CLCA1: variants seen among roughly 807,000 people sequenced by gnomAD.
The protein encoded by CLCA1 is chloride channel accessory 1.
In CLCA1, 59 loss-of-function variants were observed where a neutral mutation model predicts 85.6. The ratio of observed to expected loss-of-function variants is 0.69; its 90% confidence interval spans 0.56 to 0.86. The LOEUF (loss-of-function observed/expected upper bound fraction) is 0.86. Among genes scored for constraint, CLCA1 ranks in the 40% least tolerant of loss-of-function variants. The pLI is 0.00. For synonymous variants in CLCA1, 396 were observed against 398.3 expected, an observed-to-expected ratio of 0.99 and a Z score of 0.07; for missense variants, 1,022 against 1,101.4, an observed-to-expected ratio of 0.93 and a Z score of 1.02.
Position 86,497,053 on chromosome 1 carries a change from G to A in CLCA1, c.2113+1378G>A, listed in dbSNP as rs182397051. 1.1e-4 allele frequency among the ~76,000 whole-genome samples: 17 copies of A among 152,362 alleles called. No individual in the cohort carries two copies. The East Asian group carries it at 3.3e-3, about 29-fold the overall frequency. ...CATGCCACTGCTTTTTGAGTTAGGG[G>A]AAGGAGGCAGAAGGGGACTGGTTTA... On this transcript the variant is annotated intron_variant, in intron 12 of 13. Transcript: ENST00000394711.
intron 9 of CLCA1, 60 bp from the exon 10 acceptor site, chr1:86,493,324 G>C: frequency 7.3e-7 from 1 of 1,369,598 alleles, no homozygotes; most frequent in East Asian, 2.3e-5. Flanking sequence ...GGGCAGAAGG[G>C]AAAAGATCAT....
intron 1 of CLCA1, among the ~76,000 whole-genome samples, chr1:86,471,173 T>C (rs911634421): frequency 2.8e-5 from 4 of 140,486 alleles, no homozygotes; most frequent in African/African-American, 9.8e-5. Flanking sequence ...ACAGTAGGGT[T>C]ATTTTGGAGT....
At chr1:86,477,034 T>G (rs923585120) in intron 4 of CLCA1, among the ~76,000 whole-genome samples, 2 of 152,208 alleles carry the variant, frequency 1.3e-5, no homozygotes, top group Non-Finnish European at 2.9e-5. Flanking sequence ...CTCAGCCCCC[T>G]GAGTAGCCGG....
chr1:86,493,374 T>A lies in CLCA1; in HGVS notation c.1465-10T>A. On this transcript the variant is annotated splice_polypyrimidine_tract_variant and intron_variant, in intron 9 of 13. Coordinates refer to ENST00000394711, the MANE Select transcript of CLCA1 (RefSeq NM_001285.4). ...ATTCTCCAGAAAGTAAGAGCTGTTT[T>A]TCTTAACAGCTTGAGAGTAAGGGAT... 6.2e-7 allele frequency: 1 copy of A among 1,606,390 alleles called. No individual in the cohort carries two copies. Among genetic ancestry groups the A allele is most frequent in the Non-Finnish European group, 8.5e-7 (1 of 1,173,552 alleles).
At chr1:86,474,010 A>C (rs1647573920) in intron 3 of CLCA1, 134 bp downstream of exon 3, 1 of 564,652 alleles carries the variant, frequency 1.8e-6, no homozygotes, top group Non-Finnish European at 2.8e-6. Flanking sequence ...AGCATTTTTC[A>C]CTTAAAATAG....
At position 86,499,912 on chromosome 1, in the gene CLCA1, C is replaced by T. The variant is rs150256050; in HGVS notation, c.2612C>T (p.Pro871Leu). 1.1e-3 allele frequency: 1,825 copies of T among 1,614,046 alleles called. 22 individuals carry two copies. The East Asian group carries it at 0.025, about 22-fold the overall frequency. Residue 871 changes from proline (P) to leucine (L), a missense_variant, in exon 14 of 14, where the codon CCG becomes CTG. Coordinates refer to ENST00000394711, the MANE Select transcript of CLCA1 (RefSeq NM_001285.4). ...RVSLFIPPQT[P>L]PETPSPDETS... is the part of the protein sequence containing the mutation. ...TCTTTGTTTATTCCTCCACAGACTCCGCCAGAGACACCTAGTCCTGATGAA... is the reference window on the plus strand; with the variant it reads ...TCTTTGTTTATTCCTCCACAGACTCTGCCAGAGACACCTAGTCCTGATGAA...
chr1:86,479,694 G>A (rs1474700927), intron 4 of CLCA1, among the ~76,000 whole-genome samples: 1 of 152,128 alleles, frequency 6.6e-6, no homozygotes, highest in Non-Finnish European at 1.5e-5. Context: ...GACCATCCTG[G>A]CTAACACAGT....
chr1:86,480,383 T>C lies in CLCA1; in HGVS notation c.558-1822T>C, dbSNP rs1647786049. 2.0e-5 allele frequency among the ~76,000 whole-genome samples: 3 copies of C among 152,202 alleles called. No homozygotes were observed. The South Asian group carries it at 6.2e-4, about 32-fold the overall frequency. On this transcript the variant is annotated intron_variant, in intron 4 of 13. Transcript: ENST00000394711. Reference sequence around the variant, plus strand: ...AAAATAGACAAAGGAGAAGAATAGATAATTTACAAAAGAAGAAATTAAAAT... The same window carrying C: ...AAAATAGACAAAGGAGAAGAATAGACAATTTACAAAAGAAGAAATTAAAAT...
intron 9 of CLCA1, 128 bp downstream of exon 9, chr1:86,491,499 AGC>A (rs987629402): frequency 4.7e-5 from 27 of 578,204 alleles, no homozygotes; most frequent in Non-Finnish European, 7.5e-5. Context: ...TAGAAGGTCC[AGC>A]TTGATATTAA....
At chr1:86,473,615 A>T in intron 2 of CLCA1, 58 bp downstream of exon 2, 1 of 1,494,104 alleles carries the variant, frequency 6.7e-7, no homozygotes, top group Non-Finnish European at 9.1e-7. Context: ...AAGATTTTTT[A>T]AAATCAAAAT....
chr1:86,473,800 T>A lies in CLCA1; in HGVS notation c.375T>A (p.Cys125Ter). The change falls in exon 3 of 14, where the codon TGT (cysteine) becomes TGA (stop). Residue 125 changes from cysteine (C) to a stop codon, truncating the protein, a stop_gained. Transcript: ENST00000394711. LOFTEE classifies it high-confidence loss of function. ...CCTACACTGAGCAGATGGGCAACTG[T>A]GGAGAGAAGGGTGAAAGGATCCACC... is the stretch of plus-strand genomic sequence containing the variant. The part of the protein sequence containing the change: ...DEPYTEQMGN[C>*]GEKGERIHLT... The A allele has an allele frequency of 6.2e-7, 1 of 1,613,086 alleles. No homozygotes were observed. The highest frequency in any genetic ancestry group is 8.5e-7 in the Non-Finnish European group (1 of 1,179,260).
intron 8 of CLCA1, among the ~76,000 whole-genome samples, chr1:86,489,751 T>C (rs575188989): frequency 1.3e-5 from 2 of 152,370 alleles, no homozygotes; most frequent in South Asian, 4.1e-4. Flanking sequence ...AGATTCCATG[T>C]GTCACCAGCT....
chr1:86,473,979 C>T, intron 3 of CLCA1, 103 bp downstream of exon 3: 2 of 732,524 alleles, frequency 2.7e-6, no homozygotes, highest in Non-Finnish European at 4.1e-6. Flanking sequence ...ATAAGCCAAA[C>T]AATTAGAGAT....
chr1:86,495,168 C>T (rs1648242233), intron 11 of CLCA1, among the ~76,000 whole-genome samples: 1 of 152,126 alleles, frequency 6.6e-6, no homozygotes, highest in South Asian at 2.1e-4. Flanking sequence ...AATCATACAA[C>T]ATTTTTTTCT....
Position 86,494,271 on chromosome 1 carries a change from C to T in CLCA1, c.1765C>T (p.Pro589Ser). 6.2e-7 allele frequency: 1 copy of T among 1,614,188 alleles called. No individual in the cohort carries two copies. Among genetic ancestry groups the T allele is most frequent in the South Asian group, 1.1e-5 (1 of 91,076 alleles). Reference sequence around the variant, plus strand: ...GTCCCGTGCGTCCAATGCTACCCTGCCTCCAATTACAGTGACTTCCAAAAC... The same window carrying T: ...GTCCCGTGCGTCCAATGCTACCCTGTCTCCAATTACAGTGACTTCCAAAAC... ...VTSRASNATL[P>S]PITVTSKTNK... Residue 589 changes from proline (P) to serine (S), a missense_variant, in exon 11 of 14, where the codon CCT becomes TCT. Transcript: ENST00000394711.
Position 86,486,672 on chromosome 1 carries a change from CAG to C in CLCA1, c.1102_1103del (p.Arg368GlyfsTer29). The C allele has an allele frequency of 6.2e-7, 1 of 1,614,196 alleles. No individual in the cohort carries two copies. The highest frequency in any genetic ancestry group is 8.5e-7 in the Non-Finnish European group (1 of 1,180,036). Reference sequence around the variant, plus strand: ...TCATACAGATAAACAGTGGCAGTGACAGGGACACACTCGCCAAAAGATTACCT... The same window carrying C: ...TCATACAGATAAACAGTGGCAGTGACGGACACACTCGCCAAAAGATTACCT... Reference protein sequence around the residue: ...ELIQINSGSDRDTLAKRLPAA... With the variant: ...ELIQINSGSDXDTLAKRLPAA... On this transcript the variant is annotated frameshift_variant, in exon 7 of 14. Transcript: ENST00000394711. LOFTEE classifies it high-confidence loss of function.
At chr1:86,470,834 T>C (rs1647480331) in intron 1 of CLCA1, among the ~76,000 whole-genome samples, 1 of 152,166 alleles carries the variant, frequency 6.6e-6, no homozygotes, top group Non-Finnish European at 1.5e-5. Flanking sequence ...AACAACCTTC[T>C]TGCTGATGAG....
chr1:86,475,596 G>A (rs2101729694), intron 3 of CLCA1, among the ~76,000 whole-genome samples: 1 of 152,172 alleles, frequency 6.6e-6, no homozygotes, highest in Non-Finnish European at 1.5e-5. Flanking sequence ...CGGAGTACTG[G>A]GCCTAAGATG....
intron 1 of CLCA1, among the ~76,000 whole-genome samples, chr1:86,470,162 G>C (rs560859671): frequency 6.6e-6 from 1 of 152,164 alleles, no homozygotes; most frequent in African/African-American, 2.4e-5. Flanking sequence ...ACTGCTCTAA[G>C]CAGAGGCAAA....
Sources: allele counts gnomAD v4.1 joint callset (sites outside exome capture counted in the v4.1 genomes callset), GRCh38; gene constraint gnomAD v4.1.1; transcripts MANE v1.5; gene names NCBI Gene and HGNC (gene_info 2026-07-23, HGNC 2026-07-21).